Variants in CNOT4 observed in about 807,000 individuals in gnomAD.
The protein encoded by CNOT4 is CCR4-NOT transcription complex subunit 4, also known as CCR4-associated factor 4.
In CNOT4, 8 loss-of-function variants were observed where a neutral mutation model predicts 73.8. The ratio of observed to expected loss-of-function variants is 0.11; its 90% CI spans 0.06 to 0.20. CNOT4 has a LOEUF of 0.20. CNOT4 is among the 10% of genes least tolerant of loss of function. The probability of loss-of-function intolerance (pLI) is 1.00; values close to 1 mark genes in which losing one functional copy is unlikely to be tolerated. For missense variants in CNOT4, 564 were observed against 883.4 expected (o/e 0.64, Z 4.58); for synonymous variants, 293 against 321.1 (o/e 0.91, Z 0.94).
At chr7:135,453,847 T>TATATATATATA (rs1554438701) in intron 1 of CNOT4, among the ~76,000 whole-genome samples, 12 of 119,338 alleles carry the variant, frequency 1.0e-4, no homozygotes, top group Non-Finnish European at 1.4e-4. Flanking sequence ...TATATATATA[T>TATATATATATA]TATATATATA....
chr7:135,485,367 G>A (rs558287793), intron 1 of CNOT4, among the ~76,000 whole-genome samples: 3 of 152,254 alleles, frequency 2.0e-5, no homozygotes, highest in African/African-American at 7.2e-5. Context: ...ACCACAGCTG[G>A]CGGTTTTTTG....
At chr7:135,507,971 A>G (rs1305627726) in intron 1 of CNOT4, among the ~76,000 whole-genome samples, 3 of 152,220 alleles carry the variant, frequency 2.0e-5, no homozygotes, top group Non-Finnish European at 4.4e-5. Context: ...GAAAGAAAAA[A>G]GTTTTATAAA....
chr7:135,460,481 A>G (rs558460666), intron 1 of CNOT4, among the ~76,000 whole-genome samples: 354 of 152,294 alleles, frequency 2.3e-3, no homozygotes, highest in Non-Finnish European at 4.3e-3. Flanking sequence ...CCAGAGGGAG[A>G]CAGACAGAGC....
chr7:135,486,520 A>T (rs543567264), intron 1 of CNOT4, among the ~76,000 whole-genome samples: 1 of 152,358 alleles, frequency 6.6e-6, no homozygotes, highest in East Asian at 1.9e-4. Flanking sequence ...CTAAATGCAT[A>T]CTTACCAGAT....
chr7:135,420,872 T>A (rs1174858879), intron 3 of CNOT4, among the ~76,000 whole-genome samples: 1 of 151,720 alleles, frequency 6.6e-6, no homozygotes, highest in African/African-American at 2.4e-5. Context: ...AGAAGGTGAG[T>A]CATACACCTA....
rs966338808 is a variant in CNOT4 at position 135,363,921 on chromosome 7, G to A, written c.1773C>T (p.Asn591=). Residue 591 remains asparagine (N), a synonymous_variant, in exon 11 of 12, where the codon AAC becomes AAT. Coordinates refer to ENST00000541284, the MANE Select transcript of CNOT4 (RefSeq NM_001190850.2). The surrounding 1 kb of genome is among the most constrained non-coding windows in gnomAD (Gnocchi z 4.3). ...SNANHSAPTS[N]TATTDSLSWD... is the part of the protein sequence containing the mutation. ...AACTCAGGCTGTCGGTGGTGGCAGT[G>A]TTGGACGTTGGTGCACTGTGGTTGG... 11 of 1,598,486 alleles carry A rather than the reference G, an allele frequency of 6.9e-6. No individual in the cohort carries two copies. Among genetic ancestry groups the A allele is most frequent in the Middle Eastern group, 1.7e-4 (1 of 6,046 alleles).
chr7:135,462,438 A>G (rs1456936996), intron 1 of CNOT4, among the ~76,000 whole-genome samples: 2 of 152,158 alleles, frequency 1.3e-5, no homozygotes, highest in East Asian at 3.9e-4. Flanking sequence ...CTAAGAGAAA[A>G]GGGGATAGGA....
chr7:135,466,979 T>C (rs560491032), intron 1 of CNOT4, among the ~76,000 whole-genome samples: 15 of 152,320 alleles, frequency 9.8e-5, no homozygotes, highest in African/African-American at 3.6e-4. Context: ...AAACTAGCCA[T>C]ATTGTTAAGC....
Position 135,364,903 on chromosome 7 carries a change from CA to C in CNOT4, c.1628-838del, listed in dbSNP as rs959838559. Among the ~76,000 whole-genome samples, 3 of 152,144 alleles carry C rather than the reference CA, an allele frequency of 2.0e-5. No individual in the cohort carries two copies. Among genetic ancestry groups the C allele is most frequent in the East Asian group, 1.9e-4 (1 of 5,198 alleles). On this transcript the variant is annotated intron_variant, in intron 10 of 11. Transcript: ENST00000541284. This position sits in a 1 kb window ranked among gnomAD's most constrained non-coding sequence, Gnocchi z 4.3. Reference sequence around the variant, plus strand: ...AATCCACATAGTATAACTAACTGGTCAGGGGGAAAAGGGTGAAGTATAACAA... The same window carrying C: ...AATCCACATAGTATAACTAACTGGTCGGGGGAAAAGGGTGAAGTATAACAA...
chr7:135,456,162 A>T (rs1017918138), intron 1 of CNOT4, among the ~76,000 whole-genome samples: 2 of 152,256 alleles, frequency 1.3e-5, no homozygotes, highest in African/African-American at 2.4e-5. Flanking sequence ...ACAAATGAGT[A>T]AGTGTGGCTG....
intron 1 of CNOT4, among the ~76,000 whole-genome samples, chr7:135,498,235 C>T (rs1463884333): frequency 2.0e-5 from 3 of 152,124 alleles, no homozygotes; most frequent in African/African-American, 2.4e-5. Context: ...AAACTACATT[C>T]GACTATAAAA....
At chr7:135,403,674 AAT>A (rs1797121054) in intron 7 of CNOT4, among the ~76,000 whole-genome samples, 1 of 152,196 alleles carries the variant, frequency 6.6e-6, no homozygotes, top group Admixed American at 6.5e-5. Context: ...TAGTTGTGTA[AAT>A]ATGATTTTAA....
In CNOT4 at chr7:135,362,756, A is replaced by C. The variant is rs540079564; in HGVS notation, c.*129T>G. The C allele has an allele frequency of 1.1e-6, 1 of 900,178 alleles. No individual in the cohort carries two copies. Among genetic ancestry groups the C allele is most frequent in the South Asian group, 1.3e-5 (1 of 76,572 alleles). The allele number at this position is 900,178 out of a possible 1,614,324, so 55.8% of individuals were successfully genotyped here. On this transcript the variant is annotated 3_prime_UTR_variant, in exon 12 of 12. Coordinates refer to ENST00000541284, the MANE Select transcript of CNOT4 (RefSeq NM_001190850.2). Reference sequence around the variant, plus strand: ...TCGCATTGCATCTGGGGTTAGGGAGAAAAAAAATTGATCAGGTACTGGATT... The same window carrying C: ...TCGCATTGCATCTGGGGTTAGGGAGCAAAAAAATTGATCAGGTACTGGATT...
chr7:135,382,478 A>G (rs1306580339), intron 10 of CNOT4, among the ~76,000 whole-genome samples: 1 of 152,104 alleles, frequency 6.6e-6, no homozygotes, highest in Non-Finnish European at 1.5e-5. Context: ...TTTAAATGTC[A>G]CAGTTGATAT....
At chr7:135,428,108 T>C (rs566513097) in intron 2 of CNOT4, among the ~76,000 whole-genome samples, 53 of 152,228 alleles carry the variant, frequency 3.5e-4, no homozygotes, top group Non-Finnish European at 6.6e-4. Flanking sequence ...GGGAAAACCA[T>C]CCTGGAGAAA....
At chr7:135,448,589 T>C (rs1395098073) in intron 1 of CNOT4, among the ~76,000 whole-genome samples, 2 of 150,476 alleles carry the variant, frequency 1.3e-5, no homozygotes, top group Non-Finnish European at 3.0e-5. Flanking sequence ...AGGACCCATA[T>C]ACCAGAGAAA....
chr7:135,471,150 T>G (rs1055265801), intron 1 of CNOT4, among the ~76,000 whole-genome samples: 40 of 152,288 alleles, frequency 2.6e-4, no homozygotes, highest in African/African-American at 8.2e-4. Context: ...GGTAGTCTTT[T>G]AGAACATACC....
intron 1 of CNOT4, among the ~76,000 whole-genome samples, chr7:135,474,676 TC>T (rs1801883378): frequency 6.6e-6 from 1 of 152,214 alleles, no homozygotes. Flanking sequence ...CTAATCTGCT[TC>T]TGACTTCTTG....
At chr7:135,454,591 T>C (rs1394274987) in intron 1 of CNOT4, among the ~76,000 whole-genome samples, 1 of 151,920 alleles carries the variant, frequency 6.6e-6, no homozygotes, top group East Asian at 1.9e-4. Context: ...GAAGAATCAC[T>C]TGAGCCTGGG....
Sources: allele counts gnomAD v4.1 joint callset (sites outside exome capture counted in the v4.1 genomes callset), GRCh38; gene constraint gnomAD v4.1.1; non-coding constraint Gnocchi (gnomAD v3.1); transcripts MANE v1.5; gene names NCBI Gene and HGNC (gene_info 2026-07-23, HGNC 2026-07-21).